Variants in ARHGAP35 observed in about 807,000 individuals in gnomAD.
ARHGAP35 encodes the protein rho GTPase-activating protein 35.
ARHGAP35 carries 15 observed loss-of-function variants against 111.1 expected under a neutral mutation model. That is an observed-to-expected ratio of 0.13 (90% CI 0.09 to 0.21). The LOEUF (loss-of-function observed/expected upper bound fraction) is 0.21, where lower values mean the gene tolerates loss of function less well. Ranked by LOEUF, ARHGAP35 falls within the 10% of genes least tolerant of loss-of-function variation. The probability of loss-of-function intolerance (pLI) is 1.00; values close to 1 mark genes in which losing one functional copy is unlikely to be tolerated. For synonymous variants in ARHGAP35, 643 were observed against 710.3 expected (o/e 0.91, Z 1.51); for missense variants, 1,262 against 1,873.0 (o/e 0.67, Z 6.02).
At chr19:46,927,043 T>G (rs1056654640) in intron 2 of ARHGAP35, among the ~76,000 whole-genome samples, 14 of 152,224 alleles carry the variant, frequency 9.2e-5, no homozygotes, top group African/African-American at 3.4e-4. Flanking sequence ...ATAGTCCTAC[T>G]CAATGAGCTT....
At chr19:46,884,516 T>C (rs13343630) in intron 1 of ARHGAP35, among the ~76,000 whole-genome samples, 1,933 of 144,624 alleles carry the variant, frequency 0.013, 26 homozygotes, top group African/African-American at 0.047. Context: ...TTTTTTTTTT[T>C]CCCCTTTTGA....
At chr19:46,882,385 G>T (rs182582608) in intron 1 of ARHGAP35, among the ~76,000 whole-genome samples, 1 of 151,954 alleles carries the variant, frequency 6.6e-6, no homozygotes, top group Non-Finnish European at 1.5e-5. Flanking sequence ...CAGTTGTCCC[G>T]CCTTGGCCTC....
chr19:46,894,053 T>C (rs2056040487), intron 1 of ARHGAP35, among the ~76,000 whole-genome samples: 1 of 152,158 alleles, frequency 6.6e-6, no homozygotes, highest in South Asian at 2.1e-4. Context: ...AGTGGTTCCA[T>C]TTTGTGATTA....
intron 3 of ARHGAP35, among the ~76,000 whole-genome samples, chr19:46,973,928 G>A (rs569480823): frequency 1.4e-4 from 21 of 150,668 alleles, no homozygotes; most frequent in African/African-American, 3.4e-4. Flanking sequence ...CCCAGGAGGC[G>A]GAGGCTGCAG....
intron 3 of ARHGAP35, among the ~76,000 whole-genome samples, chr19:46,966,846 G>T (rs1447729100): frequency 1.3e-5 from 2 of 152,190 alleles, no homozygotes; most frequent in Non-Finnish European, 2.9e-5. Flanking sequence ...TCTCTCCACA[G>T]TCAGTTTGCC....
chr19:46,954,362 G>A (rs1318530821), intron 3 of ARHGAP35, among the ~76,000 whole-genome samples: 1 of 152,230 alleles, frequency 6.6e-6, no homozygotes, highest in East Asian at 1.9e-4. Flanking sequence ...GCTCTCCAGA[G>A]TCCTCCATCA....
intron 3 of ARHGAP35, among the ~76,000 whole-genome samples, chr19:46,963,071 C>A (rs1438538791): frequency 4.6e-5 from 7 of 152,158 alleles, no homozygotes; most frequent in Non-Finnish European, 2.9e-5. Context: ...CTGTTTCATT[C>A]TTCCTGGGCC....
Position 46,989,838 on chromosome 19 carries a change from G to C in ARHGAP35, c.4036+163G>C, listed in dbSNP as rs746615803. Among the ~76,000 whole-genome samples, 5 of 152,308 alleles carry C rather than the reference G, an allele frequency of 3.3e-5. No individual in the cohort carries two copies. The highest frequency in any genetic ancestry group is 6.5e-5 in the Admixed American group (1 of 15,294). Reference sequence around the variant, plus strand: ...TGACAGCAATGGGACTTGCAAATCGGGCTCCTGCCCTTGTAGACCTTAGGT... The same window carrying C: ...TGACAGCAATGGGACTTGCAAATCGCGCTCCTGCCCTTGTAGACCTTAGGT... On this transcript the variant is annotated intron_variant, in intron 5 of 6. Transcript: ENST00000672722. This position sits in a 1 kb window ranked among gnomAD's most constrained non-coding sequence, Gnocchi z 5.3.
At chr19:46,962,912 C>T (rs1224840306) in intron 3 of ARHGAP35, among the ~76,000 whole-genome samples, 1 of 152,166 alleles carries the variant, frequency 6.6e-6, no homozygotes, top group Non-Finnish European at 1.5e-5. Context: ...CGCCCGGCCT[C>T]AACCTCTCAT....
At chr19:46,912,146 C>A (rs998790210) in intron 1 of ARHGAP35, among the ~76,000 whole-genome samples, 1 of 150,632 alleles carries the variant, frequency 6.6e-6, no homozygotes, top group African/African-American at 2.4e-5. Flanking sequence ...AGGGTTCTAG[C>A]GATTCTCCTG....
chr19:46,930,869 G>T (rs572614386), intron 2 of ARHGAP35, among the ~76,000 whole-genome samples: 1 of 151,940 alleles, frequency 6.6e-6, no homozygotes, highest in Non-Finnish European at 1.5e-5. Context: ...GACGACTTTG[G>T]TCCTAGTATT....
At chr19:46,942,876 T>A (rs2056357193) in intron 3 of ARHGAP35, among the ~76,000 whole-genome samples, 1 of 151,946 alleles carries the variant, frequency 6.6e-6, no homozygotes, top group South Asian at 2.1e-4. Flanking sequence ...TAGTATCATT[T>A]CACATACAGT....
At chr19:46,983,259 T>C (rs2056630974) in intron 3 of ARHGAP35, among the ~76,000 whole-genome samples, 1 of 152,006 alleles carries the variant, frequency 6.6e-6, no homozygotes, top group South Asian at 2.1e-4. Flanking sequence ...TCTGTGCGAC[T>C]CACTCATTCT....
rs2056667593 is a variant in ARHGAP35, at chr19:46,989,355, G to T, written c.3905-189G>T. On this transcript the variant is annotated intron_variant, in intron 4 of 6. Transcript: ENST00000672722. This position sits in a 1 kb window ranked among gnomAD's most constrained non-coding sequence, Gnocchi z 5.3. ...TTCAGCAGTCTCGGAAAGAGGTGCT[G>T]GGGCCAGCCCATGCCTGAACCTCAG... 1.5e-6 allele frequency: 1 copy of T among 647,728 alleles called. No individual in the cohort carries two copies. Among genetic ancestry groups the T allele is most frequent in the Admixed American group, 3.0e-5 (1 of 33,116 alleles). 40.1% of individuals were successfully genotyped at this position (647,728 alleles called of 1,614,324 possible).
intron 3 of ARHGAP35, among the ~76,000 whole-genome samples, chr19:46,976,728 G>T (rs2056582006): frequency 6.6e-6 from 1 of 152,226 alleles, no homozygotes; most frequent in Non-Finnish European, 1.5e-5. Flanking sequence ...AGGCTGTCCT[G>T]TGAGAGTGGT....
intron 2 of ARHGAP35, among the ~76,000 whole-genome samples, chr19:46,933,190 C>G (rs1037196606): frequency 1.5e-5 from 2 of 136,546 alleles, no homozygotes; most frequent in African/African-American, 5.6e-5. Context: ...ATCACCCAGG[C>G]TGGAGTGCAG....
intron 5 of ARHGAP35, among the ~76,000 whole-genome samples, chr19:46,991,477 A>G (rs2056678916): frequency 6.6e-6 from 1 of 152,200 alleles, no homozygotes. Context: ...CCCTTCCCAC[A>G]GCAGCTCTCA....
intron 3 of ARHGAP35, among the ~76,000 whole-genome samples, chr19:46,978,638 T>G: frequency 5.6e-5 from 5 of 89,156 alleles, no homozygotes; most frequent in Non-Finnish European, 1.1e-4. Context: ...GTGTGTGCGG[T>G]GGGGTATGTG....
intron 1 of ARHGAP35, among the ~76,000 whole-genome samples, chr19:46,872,659 T>C (rs2055893842): frequency 6.6e-6 from 1 of 151,968 alleles, no homozygotes; most frequent in Admixed American, 6.6e-5. Context: ...GGCGGGCGGA[T>C]CACAAGGTCA....
Sources: gnomAD v4.1 joint callset for allele counts (sites outside exome capture counted in the v4.1 genomes callset) on GRCh38, gnomAD v4.1.1 for gene constraint, Gnocchi (gnomAD v3.1) non-coding constraint, MANE v1.5 for transcripts, NCBI Gene and HGNC (gene_info 2026-07-23, HGNC 2026-07-21) for gene names.